C1orf116: variants seen among roughly 807,000 people sequenced by gnomAD.
C1orf116 encodes specifically androgen-regulated gene protein.
C1orf116 carries 12 observed loss-of-function variants against 14.1 expected under a neutral mutation model. The observed-to-expected ratio is 0.85, with a 90% CI of 0.54 to 1.38. The LOEUF (loss-of-function observed/expected upper bound fraction) is 1.38, where lower values mean the gene tolerates loss of function less well. Among genes scored for constraint, C1orf116 ranks in the 40% most tolerant of loss-of-function variants. C1orf116 has a pLI of 0.00. For synonymous variants in C1orf116, 296 were observed against 299.0 expected (o/e 0.99, Z 0.10); for missense variants, 797 against 747.0 (o/e 1.07, Z -0.78).
chr1:207,027,394 G>A (rs549892106), intron 2 of C1orf116, 100 bp downstream of exon 2: 1,316 of 1,413,336 alleles, frequency 9.3e-4, no homozygotes, highest in Non-Finnish European at 1.1e-3. Context: ...AAGAGAAGGT[G>A]CAGTGAGCCA....
Position 207,018,673 on chromosome 1 carries a change from T to C in C1orf116, c.*3285A>G, listed in dbSNP as rs1329141137. 1 of 152,216 alleles carries C rather than the reference T, an allele frequency of 6.6e-6. No homozygotes were observed. Among genetic ancestry groups the C allele is most frequent in the Non-Finnish European group, 1.5e-5 (1 of 68,042 alleles). The allele number at this position is 152,216 out of a possible 1,614,324, so 9.4% of individuals were successfully genotyped here. A position where few individuals can be genotyped will look rare whatever the true frequency, so the allele number is the denominator to read the frequency against. On this transcript the variant is annotated 3_prime_UTR_variant, in exon 4 of 4. Transcript: ENST00000359470. ...TCTGAGGTTCAGAAAGTTAAAGTGA[T>C]ATCGCCAGGGTTCCTGACTGGTAAG...
intron 1 of C1orf116, among the ~76,000 whole-genome samples, chr1:207,029,149 C>A (rs1682171587): frequency 1.3e-5 from 2 of 151,816 alleles, no homozygotes; most frequent in Non-Finnish European, 2.9e-5. Context: ...AGGAGCTCCT[C>A]TTCTGCTTGG....
chr1:207,024,795 G>T, intron 3 of C1orf116, 92 bp downstream of exon 3: 1 of 1,444,146 alleles, frequency 6.9e-7, no homozygotes, highest in Non-Finnish European at 9.6e-7. Flanking sequence ...GTGACCCTTG[G>T]GGTAGAGGGC....
chr1:207,021,204 G>A lies in C1orf116; in HGVS notation c.*754C>T, dbSNP rs1371129218. The A allele has an allele frequency of 6.6e-6, 1 of 152,644 alleles. No individual in the cohort carries two copies. The highest frequency in any genetic ancestry group is 1.5e-5 in the Non-Finnish European group (1 of 68,038). 9.5% of individuals were successfully genotyped at this position (152,644 alleles called of 1,614,324 possible). ...AGTCAGGGACGACAGCACAGTTGGT[G>A]ATTGAATTTATCAAGCCTGTGGAGA... is the stretch of plus-strand genomic sequence containing the variant. On this transcript the variant is annotated 3_prime_UTR_variant, in exon 4 of 4. Coordinates refer to ENST00000359470, the MANE Select transcript of C1orf116 (RefSeq NM_023938.6).
At chr1:207,025,663 T>C (rs751765251) in intron 2 of C1orf116, among the ~76,000 whole-genome samples, 12 of 152,264 alleles carry the variant, frequency 7.9e-5, no homozygotes, top group Middle Eastern at 3.2e-3. Context: ...CAGATAAATG[T>C]ACTAAATGAT....
rs200569642 is a variant in C1orf116, at chr1:207,022,725, G to C, written c.1039C>G (p.Arg347Gly). The change falls in exon 4 of 4, where the codon CGT becomes GGT. Residue 347 changes from arginine to glycine, a missense_variant. By Grantham distance (125) the Arg-to-Gly change is moderately radical (BLOSUM62 -2). Transcript: ENST00000359470. The part of the protein sequence containing the change: ...SCSLQEQRKA[R>G]KEALEKLGLP... ...CCCAGCTTCTCTAGAGCTTCTTTAC[G>C]TGCTTTTCTCTGCTCTTGCAGTGAA... 4 of 1,614,036 alleles carry C rather than the reference G, an allele frequency of 2.5e-6. No homozygotes were observed. In the South Asian group the frequency reaches 3.3e-5, roughly 13 times the overall value.
intron 2 of C1orf116, among the ~76,000 whole-genome samples, chr1:207,026,253 G>A (rs951329274): frequency 2.6e-5 from 4 of 152,222 alleles, no homozygotes; most frequent in African/African-American, 9.6e-5. Flanking sequence ...GGGCCTACAT[G>A]TTAAAGCAAG....
At chr1:207,029,494 T>C (rs1444935075) in intron 1 of C1orf116, among the ~76,000 whole-genome samples, 2 of 152,102 alleles carry the variant, frequency 1.3e-5, no homozygotes, top group Non-Finnish European at 1.5e-5. Context: ...ATTCCTAACA[T>C]TGTGTAGGGT....
At position 207,024,999 on chromosome 1, in the gene C1orf116, G is replaced by C. The variant is rs1682028444; in HGVS notation, c.171C>G (p.Thr57=). Residue 57 remains threonine, a synonymous_variant, in exon 3 of 4, where the codon ACC becomes ACG. Coordinates refer to ENST00000359470, the MANE Select transcript of C1orf116 (RefSeq NM_023938.6). ...CAGCCTCCGTGTCCAGTGAGCCAAT[G>C]GTCTCCTCCAGGAAGAGCAGACACT... is the stretch of plus-strand genomic sequence containing the variant. ...EKECLLFLEE[T]IGSLDTEADS... 2 of 1,611,434 alleles carry C rather than the reference G, an allele frequency of 1.2e-6. No homozygotes were observed. Among genetic ancestry groups the C allele is most frequent in the Non-Finnish European group, 1.7e-6 (2 of 1,178,826 alleles).
At chr1:207,032,175 A>G (rs1368711648) in intron 1 of C1orf116, among the ~76,000 whole-genome samples, 1 of 152,204 alleles carries the variant, frequency 6.6e-6, no homozygotes, top group Non-Finnish European at 1.5e-5. Context: ...ATTTCCTGTT[A>G]CAGTCGCTAT....
At chr1:207,032,448 T>C (rs1470039075) in intron 1 of C1orf116, 131 bp downstream of exon 1, 6 of 552,442 alleles carry the variant, frequency 1.1e-5, no homozygotes, top group Non-Finnish European at 1.4e-5. Context: ...CTCAGAGAAT[T>C]GAGGAACAGA....
At chr1:207,025,092 G>T (rs934511044) in intron 2 of C1orf116, 28 bp from the exon 3 acceptor site, 2 of 937,924 alleles carry the variant, frequency 2.1e-6, no homozygotes, top group Non-Finnish European at 3.1e-6. Flanking sequence ...GGGGGCGGGG[G>T]CGGGGAGGCG....
intron 2 of C1orf116, 22 bp from the exon 3 acceptor site, chr1:207,025,086 GC>G (rs776630570): frequency 8.4e-7 from 1 of 1,187,268 alleles, no homozygotes; most frequent in South Asian, 1.4e-5. Context: ...GGGGTTGGGG[GC>G]GGGGGCGGGG....
chr1:207,028,287 T>G (rs1572698430), intron 1 of C1orf116, among the ~76,000 whole-genome samples: 1 of 152,212 alleles, frequency 6.6e-6, no homozygotes, highest in African/African-American at 2.4e-5. Context: ...AGAAGGGTTC[T>G]GGTTTGATGG....
Position 207,021,774 on chromosome 1 carries a change from A to T in C1orf116, c.*184T>A. 1.8e-6 allele frequency: 1 copy of T among 541,422 alleles called. No individual in the cohort carries two copies. The highest frequency in any genetic ancestry group is 3.0e-6 in the Non-Finnish European group (1 of 332,446). 33.5% of individuals were successfully genotyped at this position (541,422 alleles called of 1,614,324 possible). On this transcript the variant is annotated 3_prime_UTR_variant, in exon 4 of 4. Coordinates refer to ENST00000359470, the MANE Select transcript of C1orf116 (RefSeq NM_023938.6). ...CACACACACACACCCTCTTGTGGAG[A>T]TCACCTTCAGAATGATCCACATGGG...
rs1681839725 is a variant in C1orf116, at chr1:207,021,371, G to A, written c.*587C>T. On this transcript the variant is annotated 3_prime_UTR_variant, in exon 4 of 4. Coordinates refer to ENST00000359470, the MANE Select transcript of C1orf116 (RefSeq NM_023938.6). ...TCCTGTCTTTGGGACTGGTGATACT[G>A]AGAGGGCAGTGGGTGAAGAGATAAC... 6.6e-6 allele frequency: 1 copy of A among 152,640 alleles called. No homozygotes were observed. The highest frequency in any genetic ancestry group is 1.5e-5 in the Non-Finnish European group (1 of 68,060). 9.5% of individuals were successfully genotyped at this position (152,640 alleles called of 1,614,324 possible).
At position 207,019,665 on chromosome 1, in the gene C1orf116, G is replaced by GA. The variant is rs1681771845; in HGVS notation, c.*2292dup. ...TATTATTCTATTCTTGAATCCCAAA[G>GA]ACCATCCTAAGAGCAAAATATGCTC... On this transcript the variant is annotated 3_prime_UTR_variant, in exon 4 of 4. Transcript: ENST00000359470. 6.6e-6 allele frequency: 1 copy of GA among 152,214 alleles called. No homozygotes were observed. Among genetic ancestry groups the GA allele is most frequent in the Admixed American group, 6.5e-5 (1 of 15,282 alleles). 9.4% of individuals were successfully genotyped at this position (152,214 alleles called of 1,614,324 possible).
In C1orf116 at chr1:207,027,861, CAGA is replaced by C. The variant is rs1333367174; in HGVS notation, c.-81-185_-81-183del. ...ACCCTGAAGCTGGCTTAAATACATG[CAGA>C]AGGACAGACTTAGTTGGTGGAGAGG... On this transcript the variant is annotated intron_variant, in intron 1 of 3. Transcript: ENST00000359470. 6.8e-4 allele frequency among the ~76,000 whole-genome samples: 104 copies of C among 152,342 alleles called. 1 individual carries two copies. The highest frequency in any genetic ancestry group is 2.4e-3 in the African/African-American group (100 of 41,576).
At position 207,022,892 on chromosome 1, in the gene C1orf116, G is replaced by T. The variant is rs1364970138; in HGVS notation, c.872C>A (p.Ala291Asp). 6.2e-7 allele frequency: 1 copy of T among 1,614,102 alleles called. No individual in the cohort carries two copies. Among genetic ancestry groups the T allele is most frequent in the African/African-American group, 1.3e-5 (1 of 75,040 alleles). The change falls in exon 4 of 4, where the codon GCT becomes GAT. Residue 291 changes from alanine (A) to aspartate (D), a missense_variant. Physicochemically the swap from Ala to Asp is moderately radical, Grantham distance 126. Transcript: ENST00000359470. ...SSGEDPNSRL[A>D]PLTTPKPRKL... is the part of the protein sequence containing the mutation. ...CCGGGGCTTAGGGGTTGTGAGGGGA[G>T]CTAGTCGGCTGTTTGGGTCCTCCCC... is the stretch of plus-strand genomic sequence containing the variant.
Sources: allele counts gnomAD v4.1 joint callset (sites outside exome capture counted in the v4.1 genomes callset), GRCh38; gene constraint gnomAD v4.1.1; transcripts MANE v1.5; gene names NCBI Gene and HGNC (gene_info 2026-07-23, HGNC 2026-07-21).